Variants in SLC25A13 observed in about 807,000 individuals in gnomAD.
The protein encoded by SLC25A13 is electrogenic aspartate/glutamate antiporter SLC25A13, mitochondrial.
A neutral mutation model predicts 85.5 loss-of-function variants in SLC25A13; 70 were observed. The observed-to-expected ratio is 0.82, with a 90% CI of 0.68 to 1.00. The LOEUF (loss-of-function observed/expected upper bound fraction) is 1.00. Among genes scored for constraint, SLC25A13 ranks in the 50% least tolerant of loss-of-function variants. The pLI, the probability that SLC25A13 is intolerant of heterozygous loss-of-function variation, is 0.00. For missense variants in SLC25A13, 765 were observed against 819.8 expected (o/e 0.93, Z 0.82); for synonymous variants, 259 against 288.7 (o/e 0.90, Z 1.04).
intron 3 of SLC25A13, among the ~76,000 whole-genome samples, chr7:96,263,530 C>T (rs944009908): frequency 2.0e-5 from 3 of 152,070 alleles, no homozygotes; most frequent in Admixed American, 2.0e-4. Context: ...TTGGGTAGAT[C>T]CCATATTCTC....
intron 10 of SLC25A13, chr7:96,184,709 C>G: frequency 1.6e-6 from 1 of 633,006 alleles, no homozygotes; most frequent in Non-Finnish European, 2.7e-6. Flanking sequence ...AAGGCCTGAT[C>G]TGTAGATAGA....
chr7:96,264,892 A>G (rs1797992295), intron 3 of SLC25A13, among the ~76,000 whole-genome samples: 1 of 152,202 alleles, frequency 6.6e-6, no homozygotes, highest in African/African-American at 2.4e-5. Flanking sequence ...TGAGAAAAGC[A>G]GTTTTATATC....
At chr7:96,152,665 T>C (rs952089575) in intron 13 of SLC25A13, among the ~76,000 whole-genome samples, 1 of 152,002 alleles carries the variant, frequency 6.6e-6, no homozygotes, top group Non-Finnish European at 1.5e-5. Flanking sequence ...TCACTCCACA[T>C]ATATAACTGA....
intron 13 of SLC25A13, among the ~76,000 whole-genome samples, chr7:96,163,353 T>C (rs932658147): frequency 1.3e-5 from 2 of 152,104 alleles, no homozygotes; most frequent in African/African-American, 4.8e-5. Flanking sequence ...GCCCCAGCTG[T>C]TCAGTTACAA....
intron 5 of SLC25A13, among the ~76,000 whole-genome samples, chr7:96,201,626 A>G (rs1405832263): frequency 3.9e-5 from 6 of 152,174 alleles, no homozygotes; most frequent in Admixed American, 6.5e-5. Context: ...AACCTAAGCA[A>G]GGACCTTGTT....
intron 14 of SLC25A13, 84 bp from the exon 15 acceptor site, chr7:96,131,965 C>T (rs977929056): frequency 5.0e-6 from 8 of 1,586,110 alleles, no homozygotes; most frequent in Admixed American, 1.7e-5. Flanking sequence ...CACCTCAGAA[C>T]AAAATATTCC....
chr7:96,282,398 G>C (rs1229996142), intron 2 of SLC25A13, among the ~76,000 whole-genome samples: 1 of 152,162 alleles, frequency 6.6e-6, no homozygotes, highest in Non-Finnish European at 1.5e-5. Context: ...ATTTTGTCAT[G>C]AATCACTCAT....
chr7:96,303,328 C>A (rs890564391), intron 1 of SLC25A13, among the ~76,000 whole-genome samples: 1 of 151,950 alleles, frequency 6.6e-6, no homozygotes, highest in Non-Finnish European at 1.5e-5. Context: ...GGTAGCTCAT[C>A]AAAAGCAAGC....
chr7:96,243,523 A>G (rs1447448528), intron 3 of SLC25A13, among the ~76,000 whole-genome samples: 1 of 152,164 alleles, frequency 6.6e-6, no homozygotes, highest in East Asian at 1.9e-4. Context: ...ATTGGTCTGT[A>G]GAGGGGCCTA....
chr7:96,222,311 C>T (rs1168054532), intron 4 of SLC25A13, among the ~76,000 whole-genome samples: 2 of 152,220 alleles, frequency 1.3e-5, no homozygotes, highest in Admixed American at 6.5e-5. Flanking sequence ...GCTGCAGTGG[C>T]GAGCCAGCCC....
chr7:96,211,670 G>A (rs1795703277), intron 4 of SLC25A13, among the ~76,000 whole-genome samples: 1 of 152,174 alleles, frequency 6.6e-6, no homozygotes, highest in African/African-American at 2.4e-5. Flanking sequence ...AGTAGTTGCT[G>A]AATTTAAATG....
chr7:96,220,499 T>C (rs1031196476), intron 4 of SLC25A13, among the ~76,000 whole-genome samples: 1 of 152,226 alleles, frequency 6.6e-6, no homozygotes, highest in African/African-American at 2.4e-5. Flanking sequence ...GAGCAAAAAC[T>C]GCCTTGCAAC....
intron 13 of SLC25A13, among the ~76,000 whole-genome samples, chr7:96,163,835 T>C (rs1243458700): frequency 1.3e-5 from 2 of 152,150 alleles, no homozygotes; most frequent in African/African-American, 4.8e-5. Context: ...CCAATACACC[T>C]ATTCCATTCC....
At chr7:96,313,260 G>A (rs534127629) in intron 1 of SLC25A13, among the ~76,000 whole-genome samples, 1 of 152,262 alleles carries the variant, frequency 6.6e-6, no homozygotes, top group African/African-American at 2.4e-5. Flanking sequence ...ACAATCTCAG[G>A]CACAGCCTTG....
intron 10 of SLC25A13, 184 bp from the exon 11 acceptor site, chr7:96,184,619 C>A: frequency 1.5e-6 from 1 of 663,898 alleles, no homozygotes; most frequent in Non-Finnish European, 2.6e-6. Context: ...ATTCAAGTAT[C>A]CCCTAATAAA....
intron 14 of SLC25A13, among the ~76,000 whole-genome samples, chr7:96,132,579 C>A (rs1008864965): frequency 6.6e-6 from 1 of 152,118 alleles, no homozygotes; most frequent in African/African-American, 2.4e-5. Context: ...CTGTTGCCAA[C>A]ATAATGCCAT....
intron 5 of SLC25A13, 30 bp downstream of exon 5, chr7:96,208,808 C>T (rs1010868616): frequency 1.2e-6 from 2 of 1,613,174 alleles, no homozygotes; most frequent in Non-Finnish European, 1.7e-6. Context: ...CCCGGCCATA[C>T]CCTTTTAACT....
intron 1 of SLC25A13, among the ~76,000 whole-genome samples, chr7:96,318,166 G>A (rs1401418005): frequency 6.6e-6 from 1 of 152,064 alleles, no homozygotes; most frequent in African/African-American, 2.4e-5. Flanking sequence ...TTGGTTCTAG[G>A]CTAATATTGG....
At chr7:96,162,680 T>G (rs1187587413) in intron 13 of SLC25A13, among the ~76,000 whole-genome samples, 1 of 152,074 alleles carries the variant, frequency 6.6e-6, no homozygotes, top group Non-Finnish European at 1.5e-5. Context: ...GGCAAGAACA[T>G]GAAGGGAATT....
Sources: gnomAD v4.1 joint callset for allele counts (sites outside exome capture counted in the v4.1 genomes callset) on GRCh38, gnomAD v4.1.1 for gene constraint, MANE v1.5 for transcripts, NCBI Gene and HGNC (gene_info 2026-07-23, HGNC 2026-07-21) for gene names.